Variants in CELF2 observed in about 807,000 individuals in gnomAD.
CELF2 encodes CUGBP Elav-like family member 2.
Under a neutral mutation model 62.6 loss-of-function variants are expected in CELF2, and 8 were observed. The observed-to-expected ratio is 0.13, with a 90% CI of 0.07 to 0.23. CELF2 has a LOEUF of 0.23. CELF2 is among the 10% of genes least tolerant of loss of function. The pLI is 1.00. For synonymous variants in CELF2, 258 were observed against 250.0 expected (o/e 1.03, Z -0.30); for missense variants, 333 against 671.0 (o/e 0.50, Z 5.56).
the CELF2 span, among the ~76,000 whole-genome samples, chr10:10,723,134 A>G: frequency 6.6e-6 from 1 of 152,226 alleles, no homozygotes; most frequent in Non-Finnish European, 1.5e-5. Context: ...GCTGTAGTCA[A>G]TCGGAAATAT....
Position 11,247,588 on chromosome 10 carries a change from A to G in CELF2, c.355-1565A>G, listed in dbSNP as rs2075989453. ...CCTGCCATCCCACCCCCTCCATCCT[A>G]TGCCCGCCATCCCATGCCCGCCATC... On this transcript the variant is annotated intron_variant, in intron 3 of 12. Transcript: ENST00000633077. The surrounding 1 kb of genome is among the most constrained non-coding windows in gnomAD (Gnocchi z 5.4). Among the ~76,000 whole-genome samples, 1 of 117,476 alleles carries G rather than the reference A, an allele frequency of 8.5e-6. No individual in the cohort carries two copies. Among genetic ancestry groups the G allele is most frequent in the Non-Finnish European group, 1.8e-5 (1 of 57,118 alleles). The allele number at this position is 117,476 out of a possible 152,430, so 77.1% of individuals were successfully genotyped here.
At chr10:10,906,737 T>TTTTTTTG (rs2063376793) in intron 1 of CELF2, among the ~76,000 whole-genome samples, 1 of 147,326 alleles carries the variant, frequency 6.8e-6, no homozygotes, top group South Asian at 2.2e-4. Context: ...TTTTTTTTTT[T>TTTTTTTG]GAAACGGAGT....
the CELF2 span, among the ~76,000 whole-genome samples, chr10:10,581,890 T>C: frequency 6.6e-6 from 1 of 152,116 alleles, no homozygotes; most frequent in African/African-American, 2.4e-5. Flanking sequence ...TAGTTGGGCA[T>C]GGTGGTGGGT....
At chr10:10,845,291 A>G (rs1309433484) in intron 1 of CELF2, among the ~76,000 whole-genome samples, 19 of 151,572 alleles carry the variant, frequency 1.3e-4, no homozygotes, top group Admixed American at 9.2e-4. Context: ...AAGAAAATGC[A>G]GTCTCAGTTT....
rs2137447802 is a variant in CELF2 at position 11,011,434 on chromosome 10, A to C, written c.53+5994A>C. On this transcript the variant is annotated intron_variant, in intron 1 of 12. Transcript: ENST00000416382. This position sits in a 1 kb window ranked among gnomAD's most constrained non-coding sequence, Gnocchi z 4.6. ...GGGTGAGGGGGAGAGGGAAGGTGTC[A>C]TTAGGACACCCTGAATTCATCTTTA... Among the ~76,000 whole-genome samples, 1 of 151,328 alleles carries C rather than the reference A, an allele frequency of 6.6e-6. No homozygotes were observed. Among genetic ancestry groups the C allele is most frequent in the Non-Finnish European group, 1.5e-5 (1 of 67,890 alleles).
chr10:10,684,921 AG>A, the CELF2 span, among the ~76,000 whole-genome samples: 1 of 152,154 alleles, frequency 6.6e-6, no homozygotes, highest in South Asian at 2.1e-4. Flanking sequence ...TAGTTCATTG[AG>A]CCTTTAAGCA....
the CELF2 span, among the ~76,000 whole-genome samples, chr10:10,683,730 TGGG>T: frequency 6.6e-6 from 1 of 152,204 alleles, no homozygotes; most frequent in Admixed American, 6.5e-5. Flanking sequence ...TCATATATGA[TGGG>T]CTTGGTTATG....
chr10:11,225,992 A>G (rs754436240), intron 3 of CELF2, among the ~76,000 whole-genome samples: 1 of 152,198 alleles, frequency 6.6e-6, no homozygotes, highest in Non-Finnish European at 1.5e-5. Flanking sequence ...TGGAATTAGA[A>G]GTCGTCATTT....
chr10:10,496,395 G>T, the CELF2 span, among the ~76,000 whole-genome samples: 1 of 151,892 alleles, frequency 6.6e-6, no homozygotes, highest in Non-Finnish European at 1.5e-5. Flanking sequence ...TCCTTTTCTT[G>T]CTGCATGCCT....
intron 1 of CELF2, among the ~76,000 whole-genome samples, chr10:10,851,071 G>T (rs1277441833): frequency 6.6e-6 from 1 of 152,162 alleles, no homozygotes; most frequent in East Asian, 1.9e-4. Context: ...CTCCCAAAGT[G>T]CTGGGATTAC....
At chr10:11,256,734 C>A (rs1027206583) in intron 4 of CELF2, among the ~76,000 whole-genome samples, 1 of 150,726 alleles carries the variant, frequency 6.6e-6, no homozygotes, top group African/African-American at 2.4e-5. Flanking sequence ...TCAGTTTTAA[C>A]CTCGTCTTTC....
rs1555109567 is a variant in CELF2 at position 11,314,130 on chromosome 10, T to TTTCG, written c.977-7_977-6insCGTT. ...TTCTCTCCCCTTGTCTCTGTTTTCC[T>TTTCG]TTTTTCAGTGGCTGCTTCAACCCCC... On this transcript the variant is annotated splice_polypyrimidine_tract_variant and intron_variant, in intron 9 of 12. Transcript: ENST00000633077. This position sits in a 1 kb window ranked among gnomAD's most constrained non-coding sequence, Gnocchi z 5.3. 1 of 1,611,534 alleles carries TTTCG rather than the reference T, an allele frequency of 6.2e-7. No individual in the cohort carries two copies. The highest frequency in any genetic ancestry group is 1.1e-5 in the South Asian group (1 of 90,888).
intron 1 of CELF2, among the ~76,000 whole-genome samples, chr10:11,059,644 C>T (rs1271730006): frequency 6.6e-6 from 1 of 152,038 alleles, no homozygotes; most frequent in African/African-American, 2.4e-5. Context: ...TTGCAATAAG[C>T]CCATAGCCTT....
intron 3 of CELF2, among the ~76,000 whole-genome samples, chr10:11,226,600 CCACACACACACACACA>C (rs59521803): frequency 4.6e-4 from 12 of 25,962 alleles, no homozygotes; most frequent in Admixed American, 1.2e-3. Context: ...CAGGCAGTGG[CCACACACACACACACA>C]CACACACACA....
chr10:11,243,772 G>A lies in CELF2; in HGVS notation c.355-5381G>A, dbSNP rs2074749060. 6.6e-6 allele frequency among the ~76,000 whole-genome samples: 1 copy of A among 152,210 alleles called. No homozygotes were observed. The highest frequency in any genetic ancestry group is 1.5e-5 in the Non-Finnish European group (1 of 68,040). On this transcript the variant is annotated intron_variant, in intron 3 of 12. Transcript: ENST00000633077. This position sits in a 1 kb window ranked among gnomAD's most constrained non-coding sequence, Gnocchi z 4.1. The stretch of plus-strand genomic sequence containing the variant: ...GATTTTTTTAGATACAGCCCATACT[G>A]TGTCTGAAAAATACTCACTCCTGAA...
intron 1 of CELF2, among the ~76,000 whole-genome samples, chr10:10,807,393 C>G (rs1590609692): frequency 6.6e-6 from 1 of 152,170 alleles, no homozygotes; most frequent in East Asian, 1.9e-4. Context: ...TTAAATATGT[C>G]TGGTCATATC....
chr10:10,549,024 C>G, the CELF2 span, among the ~76,000 whole-genome samples: 1 of 152,188 alleles, frequency 6.6e-6, no homozygotes, highest in African/African-American at 2.4e-5. Flanking sequence ...GCAGAAAGAT[C>G]AGCTTTAGAT....
At chr10:10,478,586 G>A in the CELF2 span, among the ~76,000 whole-genome samples, 1 of 152,146 alleles carries the variant, frequency 6.6e-6, no homozygotes, top group African/African-American at 2.4e-5. Context: ...GGAAAATGAT[G>A]TTTTGGTTGT....
chr10:11,240,075 A>G (rs909797688), intron 3 of CELF2, among the ~76,000 whole-genome samples: 8 of 152,180 alleles, frequency 5.3e-5, no homozygotes, highest in African/African-American at 4.8e-5. Flanking sequence ...TTGTGTGCCT[A>G]CTATGTTAAT....
Sources: gnomAD v4.1 joint callset for allele counts (sites outside exome capture counted in the v4.1 genomes callset) on GRCh38, gnomAD v4.1.1 for gene constraint, Gnocchi (gnomAD v3.1) non-coding constraint, MANE v1.5 for transcripts, NCBI Gene and HGNC (gene_info 2026-07-23, HGNC 2026-07-21) for gene names.